Variants in SBNO2 observed in about 807,000 individuals in gnomAD.
SBNO2 encodes the protein protein strawberry notch homolog 2.
A neutral mutation model predicts 146.3 loss-of-function variants in SBNO2; 89 were observed. That is an observed-to-expected ratio of 0.61 (90% confidence interval 0.51 to 0.73). The LOEUF (loss-of-function observed/expected upper bound fraction) is 0.73, where lower values mean the gene tolerates loss of function less well. SBNO2 is among the 30% of genes least tolerant of loss of function. SBNO2 has a pLI of 0.00. For synonymous variants in SBNO2, 1,147 were observed against 892.6 expected (o/e 1.29, Z -5.08); for missense variants, 2,092 against 2,003.7 (o/e 1.04, Z -0.84).
rs961509006 is a variant in SBNO2, at chr19:1,140,028, G to A, written c.279+7281C>T. ...TAAAGAAGAAATGCAGGCCGGGCGC[G>A]GTGGCTCACGCCTGTAATCCCAATG... is the stretch of plus-strand genomic sequence containing the variant. On this transcript the variant is annotated intron_variant, in intron 4 of 31. Coordinates refer to ENST00000361757, the MANE Select transcript of SBNO2 (RefSeq NM_014963.3). The surrounding 1 kb of genome is among the most constrained non-coding windows in gnomAD (Gnocchi z 4.4). Among the ~76,000 whole-genome samples, 4 of 152,100 alleles carry A rather than the reference G, an allele frequency of 2.6e-5. No homozygotes were observed. Among genetic ancestry groups the A allele is most frequent in the South Asian group, 4.1e-4 (2 of 4,822 alleles).
In SBNO2 at chr19:1,112,231, C is replaced by A. The variant is rs1346629938; in HGVS notation, c.2586G>T (p.Glu862Asp). ...TGGCCACGATGGAGGCGAACCGGCG[C>A]TCCCCGGCCAGCTCCGAGATGAGGA... Reference protein sequence around the residue: ...YVFLISELAGERRFASIVAKR... With the variant: ...YVFLISELAGDRRFASIVAKR... Residue 862 changes from glutamate (E) to aspartate (D), a missense_variant, in exon 22 of 32, where the codon GAG becomes GAT. Glu to Asp is a conservative substitution (Grantham distance 45, BLOSUM62 2). Coordinates refer to ENST00000361757, the MANE Select transcript of SBNO2 (RefSeq NM_014963.3). The surrounding 1 kb of genome is among the most constrained non-coding windows in gnomAD (Gnocchi z 5.9). The A allele has an allele frequency of 6.3e-7, 1 of 1,591,332 alleles. No homozygotes were observed. Among genetic ancestry groups the A allele is most frequent in the Admixed American group, 1.8e-5 (1 of 56,692 alleles).
intron 4 of SBNO2, among the ~76,000 whole-genome samples, chr19:1,141,647 C>A (rs775169764): frequency 6.6e-6 from 1 of 151,794 alleles, no homozygotes; most frequent in Non-Finnish European, 1.5e-5. Context: ...GTGGGGCCCT[C>A]CACGCATCCA....
Position 1,116,038 on chromosome 19 carries a change from G to C in SBNO2, c.1868C>G (p.Ala623Gly), listed in dbSNP as rs1359127254. 2 of 1,610,602 alleles carry C rather than the reference G, an allele frequency of 1.2e-6. No homozygotes were observed. The highest frequency in any genetic ancestry group is 1.7e-6 in the Non-Finnish European group (2 of 1,179,236). The change falls in exon 17 of 32, where the codon GCG (alanine) becomes GGG (glycine). Residue 623 changes from alanine to glycine, a missense_variant. By Grantham distance (60) the Ala-to-Gly change is moderately conservative. Transcript: ENST00000361757. ...GGGCTTACGTTTCCGCTTGCTGCCC[G>C]CTCCTCTGTCCCGCTTTCTCTTGGT... ...PSTKRKRDRG[A>G]GSKRKRRPRG...
intron 7 of SBNO2, 120 bp downstream of exon 7, chr19:1,123,414 G>A (rs2079928300): frequency 5.9e-6 from 5 of 850,388 alleles, no homozygotes; most frequent in Admixed American, 4.3e-5. Context: ...GGGCTCTCCG[G>A]CCCTCCCTGA....
In SBNO2 at chr19:1,114,436, C is replaced by T; in HGVS notation, c.1886-14G>A. On this transcript the variant is annotated splice_polypyrimidine_tract_variant and intron_variant, in intron 17 of 31. Transcript: ENST00000361757. ...CCCGAGGTCGCCCTGCAGGGAAGGA[C>T]AGGGTCACCGAGGGCCAGACCGCAG... is the stretch of plus-strand genomic sequence containing the variant. 1 of 1,508,326 alleles carries T rather than the reference C, an allele frequency of 6.6e-7. No homozygotes were observed. Among genetic ancestry groups the T allele is most frequent in the Non-Finnish European group, 8.9e-7 (1 of 1,124,230 alleles). The allele number at this position is 1,508,326 out of a possible 1,614,324, so 93.4% of individuals were successfully genotyped here. A position where few individuals can be genotyped will look rare whatever the true frequency, so the allele number is the denominator to read the frequency against.
chr19:1,153,845 T>A (rs2080264129), intron 2 of SBNO2, among the ~76,000 whole-genome samples: 1 of 152,204 alleles, frequency 6.6e-6, no homozygotes, highest in East Asian at 1.9e-4. Context: ...AAACATATTT[T>A]TTAAGTAATT....
Position 1,125,358 on chromosome 19 carries a change from CAAAAAA to C in SBNO2, c.442-1342_442-1337del, listed in dbSNP as rs35572800. Among the ~76,000 whole-genome samples, 8 of 53,156 alleles carry C rather than the reference CAAAAAA, an allele frequency of 1.5e-4. No homozygotes were observed. The South Asian group carries it at 5.0e-3, about 33-fold the overall frequency. 34.9% of individuals were successfully genotyped at this position (53,156 alleles called of 152,430 possible). On this transcript the variant is annotated intron_variant, in intron 5 of 31. Coordinates refer to ENST00000361757, the MANE Select transcript of SBNO2 (RefSeq NM_014963.3). ...TGGGTGACAGGGCGAGACTCCATCTCAAAAAAAAAAAAAAAAAAAAAGTGAGCGTGG... is the reference window on the plus strand; with the variant it reads ...TGGGTGACAGGGCGAGACTCCATCTCAAAAAAAAAAAAAAAGTGAGCGTGG...
At chr19:1,169,887 C>T (rs764967651) in intron 1 of SBNO2, among the ~76,000 whole-genome samples, 5 of 152,124 alleles carry the variant, frequency 3.3e-5, no homozygotes, top group African/African-American at 7.2e-5. Flanking sequence ...CAAAACATTC[C>T]GCTCCCCCAA....
chr19:1,111,852 G>A (rs1194336545), intron 23 of SBNO2, 144 bp downstream of exon 23: 1 of 867,616 alleles, frequency 1.2e-6, no homozygotes, highest in African/African-American at 1.7e-5. Context: ...TTCCCCCCTG[G>A]GGGTCCTAGA....
chr19:1,140,070 T>C lies in SBNO2; in HGVS notation c.279+7239A>G, dbSNP rs192571180. The stretch of plus-strand genomic sequence containing the variant: ...ATCCCAATGCTTTGGGAGGCTGAGG[T>C]GGGTGGATCACAAGGTCAGGAGATT... On this transcript the variant is annotated intron_variant, in intron 4 of 31. Coordinates refer to ENST00000361757, the MANE Select transcript of SBNO2 (RefSeq NM_014963.3). This position sits in a 1 kb window ranked among gnomAD's most constrained non-coding sequence, Gnocchi z 4.4. Among the ~76,000 whole-genome samples the C allele has an allele frequency of 8.0e-3, 1,208 of 151,884 alleles. 2 individuals are homozygous for C. The highest frequency in any genetic ancestry group is 0.014 in the Non-Finnish European group (955 of 67,926).
chr19:1,155,375 T>C (rs897652809), intron 1 of SBNO2, among the ~76,000 whole-genome samples: 1 of 151,830 alleles, frequency 6.6e-6, no homozygotes, highest in Non-Finnish European at 1.5e-5. Flanking sequence ...CAGATGGAGG[T>C]GGTCAGGCAC....
chr19:1,164,614 G>A (rs1275088619), intron 1 of SBNO2, among the ~76,000 whole-genome samples: 1 of 132,260 alleles, frequency 7.6e-6, no homozygotes, highest in Non-Finnish European at 1.7e-5. Flanking sequence ...AGGAGGAGGA[G>A]GAGGAGGAAC....
chr19:1,148,158 G>A (rs962719362), intron 3 of SBNO2, among the ~76,000 whole-genome samples: 2 of 152,000 alleles, frequency 1.3e-5, no homozygotes, highest in Non-Finnish European at 2.9e-5. Context: ...AGCAGGTCCA[G>A]GTCTCTGCCC....
chr19:1,142,557 A>G (rs1256688699), intron 4 of SBNO2, among the ~76,000 whole-genome samples: 6 of 151,272 alleles, frequency 4.0e-5, no homozygotes, highest in Non-Finnish European at 7.4e-5. Flanking sequence ...GCGCACACCT[A>G]TAATCCCAGC....
At chr19:1,153,269 G>A (rs1039854013) in intron 2 of SBNO2, among the ~76,000 whole-genome samples, 2 of 141,876 alleles carry the variant, frequency 1.4e-5, no homozygotes, top group East Asian at 2.0e-4. Flanking sequence ...CCACAGTTTC[G>A]CTCTGTCACC....
Position 1,124,265 on chromosome 19 carries a change from G to A in SBNO2, c.442-243C>T, listed in dbSNP as rs76230744. On this transcript the variant is annotated intron_variant, in intron 5 of 31. Transcript: ENST00000361757. The stretch of plus-strand genomic sequence containing the variant: ...CGCTCCTCCTGGCCAGCACCTGGCT[G>A]CCTTCTCACTGATGGCCAGTGTGCC... 4.4e-3 allele frequency among the ~76,000 whole-genome samples: 664 copies of A among 152,340 alleles called. 2 individuals carry two copies. Among genetic ancestry groups the A allele is most frequent in the Non-Finnish European group, 7.5e-3 (513 of 68,024 alleles).
At chr19:1,120,186 G>C in intron 11 of SBNO2, 163 bp from the exon 12 acceptor site, 3 of 614,306 alleles carry the variant, frequency 4.9e-6, no homozygotes, top group Non-Finnish European at 5.8e-6. Context: ...CGGCTACCAT[G>C]GGGGGCGGGC....
Position 1,110,623 on chromosome 19 carries a change from G to A in SBNO2, c.3028+122C>T, listed in dbSNP as rs1411519675. On this transcript the variant is annotated intron_variant, in intron 26 of 31. Transcript: ENST00000361757. This position sits in a 1 kb window ranked among gnomAD's most constrained non-coding sequence, Gnocchi z 4.9. ...CCCGGGATGCACGGTGTTCCCACGA[G>A]CCCCTCGCCCACCCGGGATGCCCGG... 2 of 1,233,310 alleles carry A rather than the reference G, an allele frequency of 1.6e-6. No homozygotes were observed. The highest frequency in any genetic ancestry group is 1.6e-5 in the African/African-American group (1 of 63,688). 76.4% of individuals were successfully genotyped at this position (1,233,310 alleles called of 1,614,324 possible).
chr19:1,116,304 G>A (rs912738178), intron 16 of SBNO2, among the ~76,000 whole-genome samples: 1 of 151,868 alleles, frequency 6.6e-6, no homozygotes, highest in Non-Finnish European at 1.5e-5. Context: ...GGTGTCACAG[G>A]GCCACCTCGG....
Sources: gnomAD v4.1 joint callset for allele counts (sites outside exome capture counted in the v4.1 genomes callset) on GRCh38, gnomAD v4.1.1 for gene constraint, Gnocchi (gnomAD v3.1) non-coding constraint, MANE v1.5 for transcripts, NCBI Gene and HGNC (gene_info 2026-07-23, HGNC 2026-07-21) for gene names.